HEATR5A: variants seen among roughly 807,000 people sequenced by gnomAD.
HEATR5A encodes the protein HEAT repeat containing 5A.
In HEATR5A, 178 loss-of-function variants were observed where a neutral mutation model predicts 218.8. That is an observed-to-expected ratio of 0.81 (90% CI 0.72 to 0.92). The LOEUF (loss-of-function observed/expected upper bound fraction) is 0.92, where lower values mean the gene tolerates loss of function less well. Among genes scored for constraint, HEATR5A ranks in the 40% least tolerant of loss-of-function variants. The pLI, the probability that HEATR5A is intolerant of heterozygous loss-of-function variation, is 0.00. For missense variants in HEATR5A, 2,420 were observed against 2,418.9 expected (o/e 1.00, Z -0.01); for synonymous variants, 864 against 871.6 (o/e 0.99, Z 0.15).
Position 31,343,931 on chromosome 14 carries a change from G to T in HEATR5A, c.3193C>A (p.His1065Asn), listed in dbSNP as rs757941548. The part of the protein sequence containing the change: ...LQQLHMFAPR[H>N]VNLSSLVSCL... ...CTAACCAGGCTAGACAAGTTGACAT[G>T]TCGTGGAGCAAACATATGAAGCTGC... The change falls in exon 21 of 36, where the codon CAT (histidine) becomes AAT (asparagine). Residue 1065 changes from histidine (H) to asparagine (N), a missense_variant. Transcript: ENST00000543095. The T allele has an allele frequency of 2.5e-6, 4 of 1,610,960 alleles. No homozygotes were observed. Among genetic ancestry groups the T allele is most frequent in the Non-Finnish European group, 3.4e-6 (4 of 1,178,958 alleles).
At position 31,379,756 on chromosome 14, in the gene HEATR5A, C is replaced by T. The variant is rs575337147; in HGVS notation, c.1708+711G>A. On this transcript the variant is annotated intron_variant, in intron 11 of 35. Transcript: ENST00000543095. ...ACTGCTTGAGCCCACAAGTTCGAGA[C>T]GAGCCTGGGCAACATAGTGAGACCC... 7.2e-5 allele frequency among the ~76,000 whole-genome samples: 11 copies of T among 152,200 alleles called. No homozygotes were observed. In the South Asian group the frequency reaches 1.9e-3, roughly 26 times the overall value.
At chr14:31,377,881 A>T (rs889317464) in intron 11 of HEATR5A, among the ~76,000 whole-genome samples, 4 of 152,230 alleles carry the variant, frequency 2.6e-5, no homozygotes, top group Non-Finnish European at 5.9e-5. Flanking sequence ...AATTAAACAA[A>T]ACCTTAATTA....
At chr14:31,332,656 TAAAC>T (rs1456723688) in intron 22 of HEATR5A, among the ~76,000 whole-genome samples, 2 of 152,124 alleles carry the variant, frequency 1.3e-5, no homozygotes, top group African/African-American at 4.8e-5. Context: ...ATAAGGAAGA[TAAAC>T]AACCTTATTA....
intron 33 of HEATR5A, 112 bp from the exon 34 acceptor site, chr14:31,296,175 A>G (rs1347134924): frequency 1.4e-6 from 1 of 724,382 alleles, no homozygotes; most frequent in Non-Finnish European, 2.2e-6. Flanking sequence ...GATACACACA[A>G]TGAACGCTGA....
chr14:31,315,048 C>T (rs1899872019), intron 27 of HEATR5A, among the ~76,000 whole-genome samples: 1 of 152,116 alleles, frequency 6.6e-6, no homozygotes, highest in Non-Finnish European at 1.5e-5. Context: ...TGATGCATAC[C>T]TGTAGTCCCA....
At chr14:31,320,536 T>G in intron 25 of HEATR5A, 15 of 1,068,570 alleles carry the variant, frequency 1.4e-5, no homozygotes, top group Non-Finnish European at 1.9e-5. Context: ...ATGAATTCTC[T>G]GGGCTATTCA....
chr14:31,416,394 T>C (rs2031449400), intron 1 of HEATR5A, among the ~76,000 whole-genome samples: 1 of 152,190 alleles, frequency 6.6e-6, no homozygotes, highest in Non-Finnish European at 1.5e-5. Flanking sequence ...AGTGCCAGGA[T>C]TGCAGGCATG....
intron 26 of HEATR5A, among the ~76,000 whole-genome samples, chr14:31,316,852 T>C (rs1438242049): frequency 6.6e-6 from 1 of 152,120 alleles, no homozygotes; most frequent in Non-Finnish European, 1.5e-5. Flanking sequence ...CACATCTGGC[T>C]AATTTTTTAT....
chr14:31,347,901 T>C lies in HEATR5A; in HGVS notation c.2715A>G (p.Lys905=), dbSNP rs1238808694. 6.7e-7 allele frequency: 1 copy of C among 1,493,878 alleles called. No homozygotes were observed. Among genetic ancestry groups the C allele is most frequent in the Non-Finnish European group, 8.9e-7 (1 of 1,123,600 alleles). 92.5% of individuals were successfully genotyped at this position (1,493,878 alleles called of 1,614,324 possible). ...GLAQVSFDKL[K]SARDVVTRTG... ...TTCTGGTAACCACATCCCTTGCTGATTTCAATCTGTAAATATAAAAATAAA... is the reference window on the plus strand; with the variant it reads ...TTCTGGTAACCACATCCCTTGCTGACTTCAATCTGTAAATATAAAAATAAA... The change falls in exon 19 of 36, where the codon AAA becomes AAG. Residue 905 remains lysine, a synonymous_variant. Coordinates refer to ENST00000543095, the MANE Select transcript of HEATR5A (RefSeq NM_015473.4).
At chr14:31,299,252 C>A (rs962047729) in intron 33 of HEATR5A, among the ~76,000 whole-genome samples, 2 of 152,182 alleles carry the variant, frequency 1.3e-5, no homozygotes, top group Admixed American at 6.5e-5. Flanking sequence ...ACTCCTAAAT[C>A]AAACTATCAG....
chr14:31,410,868 T>C (rs375099522), intron 1 of HEATR5A, among the ~76,000 whole-genome samples: 2 of 152,184 alleles, frequency 1.3e-5, no homozygotes, highest in South Asian at 4.1e-4. Flanking sequence ...AATTCAAACT[T>C]AGGATATTAT....
chr14:31,367,664 C>T (rs1901856327), intron 13 of HEATR5A, among the ~76,000 whole-genome samples: 1 of 147,132 alleles, frequency 6.8e-6, no homozygotes, highest in Non-Finnish European at 1.5e-5. Flanking sequence ...AATGATCTAC[C>T]CACCTCAGCC....
Position 31,345,246 on chromosome 14 carries a change from T to A in HEATR5A, c.2899A>T (p.Ile967Phe). The stretch of plus-strand genomic sequence containing the variant: ...TAATAGAGTGGGCCAGCAGAATCAA[T>A]GATCAATGATAGAGAATGTAATGCC... ...TWALHSLSLI[I>F]DSAGPLYYVH... is the part of the protein sequence containing the mutation. Residue 967 changes from isoleucine to phenylalanine, a missense_variant, in exon 20 of 36, where the codon ATT becomes TTT. Coordinates refer to ENST00000543095, the MANE Select transcript of HEATR5A (RefSeq NM_015473.4). 2 of 1,612,924 alleles carry A rather than the reference T, an allele frequency of 1.2e-6. No homozygotes were observed. The highest frequency in any genetic ancestry group is 1.1e-5 in the South Asian group (1 of 90,948).
intron 1 of HEATR5A, among the ~76,000 whole-genome samples, chr14:31,416,210 C>A (rs576035105): frequency 2.0e-5 from 3 of 152,010 alleles, no homozygotes; most frequent in Non-Finnish European, 4.4e-5. Context: ...CTCCACCTCT[C>A]GAGTTTAAGC....
intron 16 of HEATR5A, among the ~76,000 whole-genome samples, chr14:31,351,214 T>A (rs1901215350): frequency 6.6e-6 from 1 of 152,230 alleles, no homozygotes; most frequent in Admixed American, 6.5e-5. Flanking sequence ...AATATTGATA[T>A]AACTCCACAA....
At chr14:31,341,855 C>T (rs1206372575) in intron 21 of HEATR5A, among the ~76,000 whole-genome samples, 1 of 152,058 alleles carries the variant, frequency 6.6e-6, no homozygotes, top group Non-Finnish European at 1.5e-5. Flanking sequence ...ACGGCAGTAT[C>T]ACTTAATTTA....
chr14:31,360,921 C>T (rs1055056253), intron 14 of HEATR5A, among the ~76,000 whole-genome samples: 9 of 152,096 alleles, frequency 5.9e-5, no homozygotes, highest in Non-Finnish European at 1.3e-4. Context: ...CCTCCTGTCT[C>T]AGCCTCCTGA....
chr14:31,304,479 G>C (rs1682262163), intron 32 of HEATR5A, among the ~76,000 whole-genome samples: 1 of 151,890 alleles, frequency 6.6e-6, no homozygotes, highest in Non-Finnish European at 1.5e-5. Flanking sequence ...GTGCAATGGC[G>C]TGATCCTGGC....
At chr14:31,382,418 T>G (rs1160611300) in intron 10 of HEATR5A, among the ~76,000 whole-genome samples, 1 of 152,118 alleles carries the variant, frequency 6.6e-6, no homozygotes, top group African/African-American at 2.4e-5. Flanking sequence ...GGAGTGGCAA[T>G]GAGAAAGAAA....
Sources: allele counts gnomAD v4.1 joint callset (sites outside exome capture counted in the v4.1 genomes callset), GRCh38; gene constraint gnomAD v4.1.1; transcripts MANE v1.5; gene names NCBI Gene and HGNC (gene_info 2026-07-23, HGNC 2026-07-21).